Variants in OSBPL8 observed in about 807,000 individuals in gnomAD.
The protein encoded by OSBPL8 is oxysterol binding protein like 8, also known as oxysterol-binding protein-related protein 8.
Under a neutral mutation model 125.5 loss-of-function variants are expected in OSBPL8, and 59 were observed. The ratio of observed to expected loss-of-function variants is 0.47; its 90% CI spans 0.38 to 0.58. The LOEUF (loss-of-function observed/expected upper bound fraction) is 0.58. OSBPL8 is among the 20% of genes least tolerant of loss of function. The pLI is 0.00. For missense variants in OSBPL8, 758 were observed against 1,047.8 expected (o/e 0.72, Z 3.82); for synonymous variants, 330 against 338.9 (o/e 0.97, Z 0.29).
At chr12:76,455,554 T>A (rs754354771) in intron 3 of OSBPL8, among the ~76,000 whole-genome samples, 12 of 152,192 alleles carry the variant, frequency 7.9e-5, no homozygotes, top group Non-Finnish European at 1.6e-4. Context: ...ATGGAAGTAT[T>A]ACTACATGAT....
intron 2 of OSBPL8, among the ~76,000 whole-genome samples, chr12:76,477,258 T>C (rs1458168338): frequency 6.6e-6 from 1 of 152,198 alleles, no homozygotes; most frequent in Non-Finnish European, 1.5e-5. Context: ...AAAGAGCTAT[T>C]GTATATGTGG....
In OSBPL8 at chr12:76,355,976, G is replaced by C; in HGVS notation, c.2583C>G (p.Ala861=). 1 of 1,613,200 alleles carries C rather than the reference G, an allele frequency of 6.2e-7. No homozygotes were observed. The highest frequency in any genetic ancestry group is 8.5e-7 in the Non-Finnish European group (1 of 1,179,470). Residue 861 remains alanine, a synonymous_variant, in exon 24 of 24, where the codon GCC becomes GCG. Coordinates refer to ENST00000261183, the MANE Select transcript of OSBPL8 (RefSeq NM_020841.5). ...LRNHLVSSTP[A]TDYFLQQKDY... is the part of the protein sequence containing the mutation. ...CTTTTTGTTGCAGAAAATAATCCGTGGCCGGTGTGCTTGAAACTAAATGAT... is the reference window on the plus strand; with the variant it reads ...CTTTTTGTTGCAGAAAATAATCCGTCGCCGGTGTGCTTGAAACTAAATGAT...
chr12:76,371,407 C>G (rs370501738), intron 19 of OSBPL8, 41 bp downstream of exon 19: 42 of 1,536,618 alleles, frequency 2.7e-5, no homozygotes, highest in Non-Finnish European at 3.3e-5. Context: ...AAAAACTACT[C>G]TCTGATCCTC....
intron 3 of OSBPL8, among the ~76,000 whole-genome samples, chr12:76,454,702 G>A (rs67416779): frequency 0.099 from 14,259 of 144,304 alleles, 882 homozygotes; most frequent in East Asian, 0.21. Flanking sequence ...GTGGGCAACA[G>A]AGCAAGACCC....
chr12:76,499,658 C>A (rs564020032), intron 1 of OSBPL8, among the ~76,000 whole-genome samples: 2 of 152,066 alleles, frequency 1.3e-5, no homozygotes, highest in Non-Finnish European at 2.9e-5. Context: ...TGAGACCAGC[C>A]TGGCCAAAAT....
intron 4 of OSBPL8, among the ~76,000 whole-genome samples, chr12:76,426,699 G>A (rs1346581261): frequency 6.6e-6 from 1 of 152,080 alleles, no homozygotes; most frequent in Non-Finnish European, 1.5e-5. Context: ...CAGACTGCAT[G>A]AAACATTTCA....
intron 4 of OSBPL8, among the ~76,000 whole-genome samples, chr12:76,417,796 T>G (rs1250375244): frequency 1.3e-5 from 2 of 152,202 alleles, no homozygotes; most frequent in Non-Finnish European, 2.9e-5. Context: ...AAAACATTAG[T>G]TTGTATCGGA....
intron 16 of OSBPL8, 129 bp downstream of exon 16, chr12:76,378,323 T>C (rs1952907390): frequency 3.2e-6 from 2 of 632,460 alleles, no homozygotes; most frequent in African/African-American, 1.8e-5. Flanking sequence ...TAAATATCTG[T>C]AATCCAAGGA....
intron 2 of OSBPL8, among the ~76,000 whole-genome samples, chr12:76,470,587 T>C (rs1876020622): frequency 1.3e-5 from 2 of 152,196 alleles, no homozygotes; most frequent in South Asian, 4.1e-4. Context: ...ACATTCTAGA[T>C]TAAATCATGA....
At chr12:76,489,664 G>C (rs1281575418) in intron 1 of OSBPL8, among the ~76,000 whole-genome samples, 3 of 152,148 alleles carry the variant, frequency 2.0e-5, no homozygotes, top group African/African-American at 7.2e-5. Flanking sequence ...CAATGCACTT[G>C]GTCACCCAAA....
At chr12:76,379,367 C>T (rs1391766950) in intron 15 of OSBPL8, among the ~76,000 whole-genome samples, 4 of 152,176 alleles carry the variant, frequency 2.6e-5, no homozygotes, top group Admixed American at 1.3e-4. Context: ...TTCTCTCCTT[C>T]TATTCTCAGC....
Position 76,355,720 on chromosome 12 carries a change from G to A in OSBPL8, c.*169C>T. On this transcript the variant is annotated 3_prime_UTR_variant, in exon 24 of 24. Coordinates refer to ENST00000261183, the MANE Select transcript of OSBPL8 (RefSeq NM_020841.5). ...TTAATAATCAAATAGGATAGCTCTT[G>A]TTTCAGTGTGAAGATAAAAGATACG... 1 of 643,016 alleles carries A rather than the reference G, an allele frequency of 1.6e-6. No individual in the cohort carries two copies. The highest frequency in any genetic ancestry group is 2.5e-6 in the Non-Finnish European group (1 of 393,830). The allele number at this position is 643,016 out of a possible 1,614,324, so 39.8% of individuals were successfully genotyped here. A position where few individuals can be genotyped will look rare whatever the true frequency, so the allele number is the denominator to read the frequency against.
At chr12:76,380,801 G>C (rs747790217) in intron 15 of OSBPL8, among the ~76,000 whole-genome samples, 9 of 152,086 alleles carry the variant, frequency 5.9e-5, no homozygotes, top group Non-Finnish European at 8.8e-5. Flanking sequence ...AGTAATGAGA[G>C]TAAACATCCT....
chr12:76,433,661 C>G (rs1871113148), intron 4 of OSBPL8, among the ~76,000 whole-genome samples: 1 of 151,870 alleles, frequency 6.6e-6, no homozygotes, highest in Non-Finnish European at 1.5e-5. Context: ...TATCAAAATC[C>G]CAATGCCATT....
intron 2 of OSBPL8, among the ~76,000 whole-genome samples, chr12:76,484,716 TA>T (rs1877937240): frequency 6.6e-6 from 1 of 152,198 alleles, no homozygotes; most frequent in Non-Finnish European, 1.5e-5. Context: ...CTCCCAGATC[TA>T]AACAGTAACT....
rs141618923 is a variant in OSBPL8, at chr12:76,533,250, T to C, written c.-68+26147A>G. 2.0e-3 allele frequency among the ~76,000 whole-genome samples: 310 copies of C among 152,270 alleles called. 1 individual carries two copies. The highest frequency in any genetic ancestry group is 7.1e-3 in the African/African-American group (295 of 41,552). The stretch of plus-strand genomic sequence containing the variant: ...TTACATAAGACCTATCCTATAACCA[T>C]ATGCAAGAACCAGGTTTTTTTTAAG... On this transcript the variant is annotated intron_variant, in intron 1 of 23. Coordinates refer to ENST00000261183, the MANE Select transcript of OSBPL8 (RefSeq NM_020841.5).
intron 1 of OSBPL8, among the ~76,000 whole-genome samples, chr12:76,545,916 T>C (rs555172221): frequency 1.3e-5 from 2 of 152,188 alleles, no homozygotes; most frequent in Non-Finnish European, 2.9e-5. Context: ...TGATTATTTT[T>C]AAAAACATAC....
chr12:76,405,558 G>T (rs1380974456), intron 5 of OSBPL8, among the ~76,000 whole-genome samples: 2 of 152,170 alleles, frequency 1.3e-5, no homozygotes, highest in African/African-American at 4.8e-5. Flanking sequence ...CAGGTCAGAA[G>T]GGTGTCACAT....
At chr12:76,476,939 A>G (rs1160645408) in intron 2 of OSBPL8, among the ~76,000 whole-genome samples, 1 of 152,240 alleles carries the variant, frequency 6.6e-6, no homozygotes, top group Non-Finnish European at 1.5e-5. Flanking sequence ...TATCTGTTAA[A>G]TGACCAAATG....
Sources: allele counts gnomAD v4.1 joint callset (sites outside exome capture counted in the v4.1 genomes callset), GRCh38; gene constraint gnomAD v4.1.1; transcripts MANE v1.5; gene names NCBI Gene and HGNC (gene_info 2026-07-23, HGNC 2026-07-21).